The following MTR variants were observed in gnomAD, a reference collection of about 807,000 sequenced individuals.
MTR encodes the protein methionine synthase.
A neutral mutation model predicts 154.8 loss-of-function variants in MTR; 84 were observed. That is an observed-to-expected ratio of 0.54 (90% CI 0.45 to 0.65). MTR has a LOEUF of 0.65. MTR is among the 30% of genes least tolerant of loss of function. MTR has a pLI of 0.00. For missense variants in MTR, 1,275 were observed against 1,570.2 expected (o/e 0.81, Z 3.18); for synonymous variants, 554 against 553.9 (o/e 1.00, Z 0.00).
chr1:236,892,548 A>G (rs533328610), intron 29 of MTR, among the ~76,000 whole-genome samples: 6 of 152,322 alleles, frequency 3.9e-5, no homozygotes, highest in Admixed American at 2.0e-4. Context: ...ATAATCATCC[A>G]TATTTTTACC....
intron 24 of MTR, among the ~76,000 whole-genome samples, chr1:236,879,659 A>G (rs1421386768): frequency 6.6e-6 from 1 of 152,104 alleles, no homozygotes; most frequent in East Asian, 1.9e-4. Context: ...TTCAGTTTTC[A>G]CTTTAATTCA....
intron 1 of MTR, among the ~76,000 whole-genome samples, chr1:236,799,476 G>A (rs1045831226): frequency 1.3e-5 from 2 of 151,986 alleles, no homozygotes; most frequent in African/African-American, 4.8e-5. Context: ...TATTCAGGCT[G>A]CAAAATTCCT....
rs765288116 is a variant in MTR, at chr1:236,838,601, T to C, written c.1515+2T>C. 2 of 1,613,884 alleles carry C rather than the reference T, an allele frequency of 1.2e-6. No individual in the cohort carries two copies. Among genetic ancestry groups the C allele is most frequent in the South Asian group, 2.2e-5 (2 of 91,064 alleles). Reference sequence around the variant, plus strand: ...ATGGCTTTTGATGAAGAAGGACAGGTGAGTGGTTTCTTTTGGCCTAATCCA... The same window carrying C: ...ATGGCTTTTGATGAAGAAGGACAGGCGAGTGGTTTCTTTTGGCCTAATCCA... On this transcript the variant is annotated splice_donor_variant, in intron 15 of 32. Coordinates refer to ENST00000366577, the MANE Select transcript of MTR (RefSeq NM_000254.3). LOFTEE classifies it high-confidence loss of function.
At chr1:236,843,737 G>A (rs1379456258) in intron 15 of MTR, among the ~76,000 whole-genome samples, 1 of 152,196 alleles carries the variant, frequency 6.6e-6, no homozygotes, top group Non-Finnish European at 1.5e-5. Context: ...ATTGGGTATA[G>A]GTTGTGAAAG....
chr1:236,887,926 G>A (rs1666110249), intron 27 of MTR, among the ~76,000 whole-genome samples: 1 of 152,350 alleles, frequency 6.6e-6, no homozygotes, highest in African/African-American at 2.4e-5. Context: ...TGAATCAAGG[G>A]TCTATCTGTA....
In MTR at chr1:236,816,529, T is replaced by C; in HGVS notation, c.750T>C (p.His250=). ...AGGGATTTGTCATCAGCGTGTCTCATGGAGAACCACTCTGGTGAGTGATCC... is the reference window on the plus strand; with the variant it reads ...AGGGATTTGTCATCAGCGTGTCTCACGGAGAACCACTCTGGTGAGTGATCC... The part of the protein sequence containing the change: ...TGEGFVISVS[H]GEPLCIGLNC... Residue 250 remains histidine (H), a synonymous_variant, in exon 8 of 33, where the codon CAT becomes CAC. Transcript: ENST00000366577. The C allele has an allele frequency of 1.9e-6, 3 of 1,614,032 alleles. No homozygotes were observed.
Position 236,838,491 on chromosome 1 carries a change from C to T in MTR, c.1407C>T (p.Val469=). Residue 469 remains valine (V), a synonymous_variant, in exon 15 of 33, where the codon GTC becomes GTT. Transcript: ENST00000366577. ...GLKCCQGKCI[V]NSISLKEGED... ...AGTGCTGCCAAGGGAAGTGCATTGT[C>T]AATAGCATTAGTCTGAAGGAAGGAG... is the stretch of plus-strand genomic sequence containing the variant. The T allele has an allele frequency of 6.2e-7, 1 of 1,614,064 alleles. No homozygotes were observed. Among genetic ancestry groups the T allele is most frequent in the Non-Finnish European group, 8.5e-7 (1 of 1,180,016 alleles).
At chr1:236,870,673 C>T (rs778825185) in intron 22 of MTR, among the ~76,000 whole-genome samples, 2 of 152,196 alleles carry the variant, frequency 1.3e-5, no homozygotes, top group Non-Finnish European at 2.9e-5. Context: ...TGTATCTCCA[C>T]TGTGGATCTC....
At chr1:236,881,877 C>T (rs1665755746) in intron 25 of MTR, among the ~76,000 whole-genome samples, 1 of 151,992 alleles carries the variant, frequency 6.6e-6, no homozygotes, top group African/African-American at 2.4e-5. Context: ...TTTTTGGTCC[C>T]CATTTTAGAG....
At chr1:236,805,489 T>G (rs75398332) in intron 2 of MTR, among the ~76,000 whole-genome samples, 2,354 of 152,144 alleles carry the variant, frequency 0.015, 72 homozygotes, top group African/African-American at 0.053. Flanking sequence ...CTTTTTGGTG[T>G]TGTTTTTTTG....
chr1:236,817,546 C>G (rs1661667968), intron 8 of MTR, among the ~76,000 whole-genome samples: 1 of 152,198 alleles, frequency 6.6e-6, no homozygotes, highest in South Asian at 2.1e-4. Flanking sequence ...CTGGCAATAA[C>G]ACCTTGAGGG....
chr1:236,807,425 C>A (rs1367791384), intron 3 of MTR, among the ~76,000 whole-genome samples: 1 of 152,144 alleles, frequency 6.6e-6, no homozygotes, highest in Admixed American at 6.5e-5. Flanking sequence ...CTGCCCACCT[C>A]GGCCTCCCAA....
intron 14 of MTR, 35 bp downstream of exon 14, chr1:236,835,722 C>G: frequency 6.2e-7 from 1 of 1,613,144 alleles, no homozygotes. Flanking sequence ...GGGGGATTTA[C>G]TTGTCTCACT....
Position 236,899,785 on chromosome 1 carries a change from A to G in MTR, c.*2141A>G, listed in dbSNP as rs1666840335. On this transcript the variant is annotated 3_prime_UTR_variant, in exon 33 of 33. Coordinates refer to ENST00000366577, the MANE Select transcript of MTR (RefSeq NM_000254.3). ...ATAGAGAATTCCTATTTAAAAAAATAGAAAAATAGTGAAGACTACACAAGA... is the reference window on the plus strand; with the variant it reads ...ATAGAGAATTCCTATTTAAAAAAATGGAAAAATAGTGAAGACTACACAAGA... The G allele has an allele frequency of 6.6e-6, 1 of 152,310 alleles. No individual in the cohort carries two copies. The highest frequency in any genetic ancestry group is 1.5e-5 in the Non-Finnish European group (1 of 68,082). The allele number at this position is 152,310 out of a possible 1,614,324, so 9.4% of individuals were successfully genotyped here.
In MTR at chr1:236,810,625, C is replaced by T. The variant is rs760561827; in HGVS notation, c.502+30C>T. 7.7e-6 allele frequency: 12 copies of T among 1,565,176 alleles called. No individual in the cohort carries two copies. In the Admixed American group the frequency reaches 1.5e-4, roughly 20 times the overall value. Reference sequence around the variant, plus strand: ...GTATTTACCACATATAATCATTGATCTTGGGGAAGTACTCCCCAAGCTTCA... The same window carrying T: ...GTATTTACCACATATAATCATTGATTTTGGGGAAGTACTCCCCAAGCTTCA... On this transcript the variant is annotated intron_variant, in intron 5 of 32. Transcript: ENST00000366577.
intron 26 of MTR, among the ~76,000 whole-genome samples, chr1:236,885,682 C>T (rs761328495): frequency 3.3e-5 from 5 of 152,134 alleles, no homozygotes; most frequent in Non-Finnish European, 7.3e-5. Context: ...AAGAACTGTC[C>T]GTCTCTTGAT....
At position 236,841,992 on chromosome 1, in the gene MTR, C is replaced by T. The variant is rs551961225; in HGVS notation, c.1515+3393C>T. Among the ~76,000 whole-genome samples, 17 of 151,818 alleles carry T rather than the reference C, an allele frequency of 1.1e-4. No individual in the cohort carries two copies. In the East Asian group the frequency reaches 2.3e-3, roughly 21 times the overall value. ...TGCAGGCTCCGCCCCCCGGGGTTCA[C>T]GCCATTCTCCTGCCTCAGCCTCCCG... On this transcript the variant is annotated intron_variant, in intron 15 of 32. Transcript: ENST00000366577.
chr1:236,819,811 A>T, intron 8 of MTR: 1 of 761,900 alleles, frequency 1.3e-6, no homozygotes, highest in Non-Finnish European at 2.4e-6. Context: ...GAGAAGCTAC[A>T]GCTGGCGGCT....
At chr1:236,833,215 G>C (rs1373737493) in intron 13 of MTR, among the ~76,000 whole-genome samples, 1 of 152,148 alleles carries the variant, frequency 6.6e-6, no homozygotes, top group Non-Finnish European at 1.5e-5. Flanking sequence ...GCCATATAGT[G>C]TTCTTCAGTT....
Sources: gnomAD v4.1 joint callset for allele counts (sites outside exome capture counted in the v4.1 genomes callset) on GRCh38, gnomAD v4.1.1 for gene constraint, MANE v1.5 for transcripts, NCBI Gene and HGNC (gene_info 2026-07-23, HGNC 2026-07-21) for gene names.